The following NELL1 variants were observed in gnomAD, a reference collection of about 807,000 sequenced individuals.
The protein encoded by NELL1 is protein kinase C-binding protein NELL1.
Under a neutral mutation model 107.4 loss-of-function variants are expected in NELL1, and 76 were observed. The observed-to-expected ratio is 0.71, with a 90% confidence interval of 0.59 to 0.86. The LOEUF is 0.86. NELL1 is among the 40% of genes least tolerant of loss of function. The pLI is 0.00. For missense variants in NELL1, 1,024 were observed against 1,005.5 expected (o/e 1.02, Z -0.25); for synonymous variants, 353 against 341.2 (o/e 1.03, Z -0.38).
intron 15 of NELL1, among the ~76,000 whole-genome samples, chr11:21,437,983 T>G (rs1853171404): frequency 6.6e-6 from 1 of 152,202 alleles, no homozygotes; most frequent in Admixed American, 6.5e-5. Context: ...CTTTATCTCT[T>G]AATGTTTATT....
Position 20,928,480 on chromosome 11 carries a change from G to GT in NELL1, c.997+2dup. 1.9e-6 allele frequency: 3 copies of GT among 1,611,338 alleles called. No homozygotes were observed. The highest frequency in any genetic ancestry group is 8.5e-7 in the Non-Finnish European group (1 of 1,177,564). ...GGCCAGTGCTGTAAGGTCTGCCGAC[G>GT]TAAGTACTGACTGAGGGTCAGACTG... On this transcript the variant is annotated splice_donor_variant, in intron 9 of 19. Coordinates refer to ENST00000357134, the MANE Select transcript of NELL1 (RefSeq NM_006157.5). LOFTEE classifies it high-confidence loss of function.
intron 3 of NELL1, among the ~76,000 whole-genome samples, chr11:20,820,752 T>C (rs1315798832): frequency 6.6e-6 from 1 of 152,184 alleles, no homozygotes. Flanking sequence ...ATAGGACTCA[T>C]TGATTACTTA....
chr11:21,289,577 T>A (rs114607473), intron 14 of NELL1, among the ~76,000 whole-genome samples: 4,544 of 152,212 alleles, frequency 0.03, 240 homozygotes, highest in African/African-American at 0.1. Context: ...AGCACAAAAC[T>A]GGGTGGCAGT....
At chr11:21,421,209 C>T (rs1009488407) in intron 15 of NELL1, among the ~76,000 whole-genome samples, 26 of 152,246 alleles carry the variant, frequency 1.7e-4, no homozygotes, top group African/African-American at 6.0e-4. Context: ...GAATAGGTAG[C>T]ACCAGGAATC....
intron 12 of NELL1, among the ~76,000 whole-genome samples, chr11:21,090,049 A>G (rs1357758829): frequency 6.6e-6 from 1 of 152,122 alleles, no homozygotes; most frequent in African/African-American, 2.4e-5. Context: ...ACCATGGTGT[A>G]TTTGTGAGCT....
chr11:21,397,094 T>C (rs908195239), intron 15 of NELL1, among the ~76,000 whole-genome samples: 1 of 151,740 alleles, frequency 6.6e-6, no homozygotes, highest in African/African-American at 2.4e-5. Context: ...ATGTTTGTAG[T>C]AAGTTTTTAA....
At chr11:20,997,656 G>T (rs911882024) in intron 12 of NELL1, among the ~76,000 whole-genome samples, 5 of 152,168 alleles carry the variant, frequency 3.3e-5, no homozygotes, top group African/African-American at 9.6e-5. Flanking sequence ...ACTTTTTTGT[G>T]TGTGTAAAAT....
intron 16 of NELL1, among the ~76,000 whole-genome samples, chr11:21,558,517 TTGAA>T (rs1304593698): frequency 1.3e-5 from 2 of 152,018 alleles, no homozygotes; most frequent in Non-Finnish European, 2.9e-5. Flanking sequence ...ATAGAGCTTC[TTGAA>T]TTTATTCCTT....
At position 21,336,643 on chromosome 11, in the gene NELL1, ATGTGTG is replaced by A. The variant is rs67259972; in HGVS notation, c.1550-34206_1550-34201del. 1.9e-3 allele frequency among the ~76,000 whole-genome samples: 248 copies of A among 130,808 alleles called. 9 individuals are homozygous for A. The South Asian group carries it at 0.057, about 30-fold the overall frequency. The allele number at this position is 130,808 out of a possible 152,430, so 85.8% of individuals were successfully genotyped here. A position where few individuals can be genotyped will look rare whatever the true frequency, so the allele number is the denominator to read the frequency against. ...CTTGGCATGACACTTACTGCTTCAT[ATGTGTG>A]TGTATATATATATATATATATATAT... On this transcript the variant is annotated intron_variant, in intron 14 of 19. Coordinates refer to ENST00000357134, the MANE Select transcript of NELL1 (RefSeq NM_006157.5).
At chr11:21,119,188 G>C (rs771686417) in intron 13 of NELL1, among the ~76,000 whole-genome samples, 1 of 151,934 alleles carries the variant, frequency 6.6e-6, no homozygotes, top group Non-Finnish European at 1.5e-5. Flanking sequence ...GTTTCACCCT[G>C]TGGTAGTTAT....
chr11:20,733,658 T>A (rs1272067396), intron 2 of NELL1, among the ~76,000 whole-genome samples: 1 of 152,114 alleles, frequency 6.6e-6, no homozygotes, highest in East Asian at 1.9e-4. Flanking sequence ...GCTACAGCAA[T>A]GACCAAGAGA....
chr11:20,749,567 C>T lies in NELL1; in HGVS notation c.185-34113C>T, dbSNP rs557292285. ...AGTAAGCTGTGTTCATGCCACCACG[C>T]TTCAGCTTGGGTGACAGAGAAAGAC... On this transcript the variant is annotated intron_variant, in intron 2 of 19. Transcript: ENST00000357134. Among the ~76,000 whole-genome samples, 44 of 152,134 alleles carry T rather than the reference C, an allele frequency of 2.9e-4. No homozygotes were observed. The South Asian group carries it at 4.6e-3, about 16-fold the overall frequency.
At chr11:20,694,413 T>A (rs1019722963) in intron 2 of NELL1, among the ~76,000 whole-genome samples, 1 of 152,168 alleles carries the variant, frequency 6.6e-6, no homozygotes, top group Non-Finnish European at 1.5e-5. Context: ...TATATTTAAA[T>A]CTTTAATCCA....
chr11:21,028,397 A>G (rs1250972369), intron 12 of NELL1, among the ~76,000 whole-genome samples: 1 of 152,110 alleles, frequency 6.6e-6, no homozygotes, highest in Non-Finnish European at 1.5e-5. Flanking sequence ...ACCCATTCAG[A>G]GCTAAGAAAA....
intron 15 of NELL1, among the ~76,000 whole-genome samples, chr11:21,380,150 G>C (rs1205155051): frequency 6.6e-6 from 1 of 151,998 alleles, no homozygotes; most frequent in African/African-American, 2.4e-5. Flanking sequence ...ATGATTACTT[G>C]CTCAGTAAAT....
intron 2 of NELL1, among the ~76,000 whole-genome samples, chr11:20,706,607 A>C (rs1166172978): frequency 2.0e-5 from 3 of 152,000 alleles, no homozygotes; most frequent in African/African-American, 4.8e-5. Context: ...CCAACATGGC[A>C]CATGTATACA....
chr11:20,692,596 T>C (rs1479247333), intron 2 of NELL1, among the ~76,000 whole-genome samples: 1 of 151,024 alleles, frequency 6.6e-6, no homozygotes, highest in Non-Finnish European at 1.5e-5. Context: ...TTGAGTGGTT[T>C]TGAGTGAGTT....
At chr11:21,231,949 G>T (rs1375434838) in intron 14 of NELL1, among the ~76,000 whole-genome samples, 2 of 151,686 alleles carry the variant, frequency 1.3e-5, no homozygotes, top group Non-Finnish European at 2.9e-5. Context: ...TTCACTACTG[G>T]TTCTTTACAC....
chr11:21,181,190 A>C lies in NELL1; in HGVS notation c.1427-48142A>C, dbSNP rs114946249. Among the ~76,000 whole-genome samples the C allele has an allele frequency of 1.9e-3, 293 of 152,002 alleles. 6 individuals are homozygous for C. The highest frequency in any genetic ancestry group is 6.2e-3 in the African/African-American group (257 of 41,292). The stretch of plus-strand genomic sequence containing the variant: ...GCTTTCATTTGGCTGACATGTGAAG[A>C]TGAGTAATACATTTATATTGTATTT... On this transcript the variant is annotated intron_variant, in intron 13 of 19. Coordinates refer to ENST00000357134, the MANE Select transcript of NELL1 (RefSeq NM_006157.5).
Sources: allele counts gnomAD v4.1 joint callset (sites outside exome capture counted in the v4.1 genomes callset), GRCh38; gene constraint gnomAD v4.1.1; transcripts MANE v1.5; gene names NCBI Gene and HGNC (gene_info 2026-07-23, HGNC 2026-07-21).